ITGA5: variants seen among roughly 807,000 people sequenced by gnomAD.
The protein encoded by ITGA5 is integrin subunit alpha 5.
In ITGA5, 55 loss-of-function variants were observed where a neutral mutation model predicts 146.3. The observed-to-expected ratio is 0.38, with a 90% CI of 0.30 to 0.47. The LOEUF is 0.47. Ranked by LOEUF, ITGA5 falls within the 20% of genes least tolerant of loss-of-function variation. The pLI is 0.99. For missense variants in ITGA5, 1,131 were observed against 1,329.0 expected (o/e 0.85, Z 2.32); for synonymous variants, 500 against 531.8 (o/e 0.94, Z 0.82).
chr12:54,408,105 C>T lies in ITGA5; in HGVS notation c.817+5G>A, dbSNP rs146496861. On this transcript the variant is annotated splice_donor_5th_base_variant and intron_variant, in intron 7 of 29. Coordinates refer to ENST00000293379, the MANE Select transcript of ITGA5 (RefSeq NM_002205.5). ...CTGCCATCCCTTCCCCACTTGCTTG[C>T]TCACCTAGGTAGCTGTCATCATAGA... 51 of 1,614,110 alleles carry T rather than the reference C, an allele frequency of 3.2e-5. No homozygotes were observed. In the East Asian group the frequency reaches 6.5e-4, roughly 20 times the overall value.
Position 54,401,391 on chromosome 12 carries a change from A to G in ITGA5, c.2475T>C (p.Ala825=), listed in dbSNP as rs371813433. 1.4e-4 allele frequency: 232 copies of G among 1,612,316 alleles called. No individual in the cohort carries two copies. The highest frequency in any genetic ancestry group is 1.9e-4 in the Non-Finnish European group (229 of 1,178,732). ...CCCTTACCTCATAGACATGGTGGAC[A>G]GCAGGTCCCAGGTCCTCCTCCTTCT... ...QPQKEEDLGP[A]VHHVYELINQ... The change falls in exon 24 of 30, where the codon GCT becomes GCC. Residue 825 remains alanine (A), a synonymous_variant. Coordinates refer to ENST00000293379, the MANE Select transcript of ITGA5 (RefSeq NM_002205.5). This position sits in a 1 kb window ranked among gnomAD's most constrained non-coding sequence, Gnocchi z 5.0.
intron 2 of ITGA5, among the ~76,000 whole-genome samples, chr12:54,411,568 G>A (rs1031722296): frequency 2.0e-5 from 3 of 152,212 alleles, no homozygotes; most frequent in African/African-American, 4.8e-5. Context: ...TTACGGCCCT[G>A]GCCTCCCAGA....
chr12:54,402,789 T>A (rs1955805661), intron 19 of ITGA5, among the ~76,000 whole-genome samples, 194 bp downstream of exon 19: 1 of 152,234 alleles, frequency 6.6e-6, no homozygotes, highest in Non-Finnish European at 1.5e-5. Context: ...AGATTTTTTA[T>A]GTAGATTATT....
intron 1 of ITGA5, among the ~76,000 whole-genome samples, chr12:54,417,650 TAG>T (rs1956024061): frequency 6.6e-6 from 1 of 151,988 alleles, no homozygotes; most frequent in African/African-American, 2.4e-5. Context: ...AGGGACTGAG[TAG>T]AGATCAGTTA....
chr12:54,400,062 A>ATG (rs1955768595), intron 25 of ITGA5, 115 bp from the exon 26 acceptor site: 1 of 741,818 alleles, frequency 1.3e-6, no homozygotes, highest in East Asian at 2.6e-5. Context: ...TTATTGATTC[A>ATG]TCCAACTGTC....
Position 54,409,459 on chromosome 12 carries a change from C to T in ITGA5, c.462+26G>A, listed in dbSNP as rs1183552040. On this transcript the variant is annotated intron_variant, in intron 3 of 29. Coordinates refer to ENST00000293379, the MANE Select transcript of ITGA5 (RefSeq NM_002205.5). This position sits in a 1 kb window ranked among gnomAD's most constrained non-coding sequence, Gnocchi z 4.7. ...ACCACTGCCCATCCCCTGGCCACCA[C>T]ACCACTGAGCTTGCTGGCCCCTCAC... is the stretch of plus-strand genomic sequence containing the variant. 3.1e-6 allele frequency: 5 copies of T among 1,609,744 alleles called. No homozygotes were observed. The highest frequency in any genetic ancestry group is 2.2e-5 in the East Asian group (1 of 44,864).
chr12:54,408,599 G>A (rs957852604), intron 6 of ITGA5, among the ~76,000 whole-genome samples, 157 bp downstream of exon 6: 5 of 151,206 alleles, frequency 3.3e-5, no homozygotes, highest in African/African-American at 1.2e-4. Flanking sequence ...GGTGGCAGGC[G>A]CCTGTAATCC....
intron 19 of ITGA5, 74 bp downstream of exon 19, chr12:54,402,909 A>C: frequency 8.3e-7 from 1 of 1,204,172 alleles, no homozygotes; most frequent in Non-Finnish European, 1.2e-6. Flanking sequence ...CGACACAGCT[A>C]GTATGTCCCT....
chr12:54,418,925 C>A (rs1321609529), intron 1 of ITGA5, 56 bp downstream of exon 1: 19 of 1,593,142 alleles, frequency 1.2e-5, no homozygotes, highest in South Asian at 2.2e-5. Context: ...CAGCCGCGCC[C>A]CCAGTCTCCA....
At position 54,416,053 on chromosome 12, in the gene ITGA5, ATTTT is replaced by A. The variant is rs1399980603; in HGVS notation, c.218+2924_218+2927del. On this transcript the variant is annotated intron_variant, in intron 1 of 29. Transcript: ENST00000293379. This position sits in a 1 kb window ranked among gnomAD's most constrained non-coding sequence, Gnocchi z 4.1. ...GACTCCTGAAGCCTCAGTTGTTTTT[ATTTT>A]TTGTTTGTTTGTTGTTGTTTTTTTG... Among the ~76,000 whole-genome samples the A allele has an allele frequency of 1.3e-5, 2 of 151,834 alleles. No individual in the cohort carries two copies. The highest frequency in any genetic ancestry group is 2.9e-5 in the Non-Finnish European group (2 of 67,926).
intron 25 of ITGA5, chr12:54,400,171 A>G (rs1461713933): frequency 1.8e-6 from 1 of 544,774 alleles, no homozygotes; most frequent in Non-Finnish European, 3.3e-6. Flanking sequence ...TTAAGTAAAT[A>G]ATTAGGTCTG....
intron 20 of ITGA5, 41 bp from the exon 21 acceptor site, chr12:54,402,134 T>C (rs1167084757): frequency 1.2e-6 from 2 of 1,613,678 alleles, no homozygotes; most frequent in African/African-American, 2.7e-5. Context: ...TGGTGTCCCC[T>C]CTAGAGGGGT....
chr12:54,412,012 A>AT (rs760844845), intron 1 of ITGA5, 48 bp from the exon 2 acceptor site: 1 of 1,489,768 alleles, frequency 6.7e-7, no homozygotes, highest in South Asian at 1.3e-5. Flanking sequence ...CTAGCTTTTC[A>AT]TTGGTGTCTG....
chr12:54,419,139 C>T lies in ITGA5; in HGVS notation c.60G>A (p.Arg20=). The T allele has an allele frequency of 1.3e-6, 2 of 1,587,132 alleles. No homozygotes were observed. Among genetic ancestry groups the T allele is most frequent in the South Asian group, 1.1e-5 (1 of 88,568 alleles). The change falls in exon 1 of 30, where the codon CGG becomes CGA. Residue 20 remains arginine, a synonymous_variant. Transcript: ENST00000293379. The part of the protein sequence containing the change: ...LHAVQLRWGP[R]RRPPLLPLLL... ...GCAGCGGCAGCAGCGGGGGTCGGCGCCGGGGGCCCCAGCGCAGCTGCACGG... is the reference window on the plus strand; with the variant it reads ...GCAGCGGCAGCAGCGGGGGTCGGCGTCGGGGGCCCCAGCGCAGCTGCACGG...
chr12:54,410,324 C>T (rs918810981), intron 2 of ITGA5, among the ~76,000 whole-genome samples: 3 of 147,422 alleles, frequency 2.0e-5, no homozygotes, highest in African/African-American at 7.6e-5. Context: ...GACTGTGTCT[C>T]TAACACCATC....
chr12:54,410,404 G>A (rs1955928566), intron 2 of ITGA5, among the ~76,000 whole-genome samples: 1 of 146,786 alleles, frequency 6.8e-6, no homozygotes, highest in East Asian at 2.0e-4. Context: ...GGAGTGCAGT[G>A]GCGTGATTAT....
At chr12:54,412,077 G>GC in intron 1 of ITGA5, 113 bp from the exon 2 acceptor site, 3 of 772,490 alleles carry the variant, frequency 3.9e-6, no homozygotes, top group Non-Finnish European at 5.8e-6. Context: ...TGGAGTAGAT[G>GC]CCCCCTGCGT....
At chr12:54,411,419 T>G (rs1377945647) in intron 2 of ITGA5, among the ~76,000 whole-genome samples, 1 of 152,210 alleles carries the variant, frequency 6.6e-6, no homozygotes, top group Non-Finnish European at 1.5e-5. Flanking sequence ...ACTCAGACCT[T>G]GAGCTCCTTG....
chr12:54,412,059 G>A, intron 1 of ITGA5, 95 bp from the exon 2 acceptor site: 1 of 1,029,018 alleles, frequency 9.7e-7, no homozygotes, highest in Non-Finnish European at 1.3e-6. Flanking sequence ...GCTGGGGCTG[G>A]CTGGGGGTGG....
Sources: gnomAD v4.1 joint callset for allele counts (sites outside exome capture counted in the v4.1 genomes callset) on GRCh38, gnomAD v4.1.1 for gene constraint, Gnocchi (gnomAD v3.1) non-coding constraint, MANE v1.5 for transcripts, NCBI Gene and HGNC (gene_info 2026-07-23, HGNC 2026-07-21) for gene names.